ZFAT: variants seen among roughly 807,000 people sequenced by gnomAD.
ZFAT encodes zinc finger and AT-hook domain containing.
A neutral mutation model predicts 117.7 loss-of-function variants in ZFAT; 64 were observed. That is an observed-to-expected ratio of 0.54 (90% confidence interval 0.44 to 0.67). The LOEUF is 0.67. Ranked by LOEUF, ZFAT falls within the 30% of genes least tolerant of loss-of-function variation. ZFAT has a pLI of 0.00. For synonymous variants in ZFAT, 679 were observed against 615.0 expected (o/e 1.10, Z -1.54); for missense variants, 1,433 against 1,584.5 (o/e 0.90, Z 1.62).
chr8:134,701,095 T>C (rs56065230), intron 1 of ZFAT, among the ~76,000 whole-genome samples: 19,039 of 152,246 alleles, frequency 0.13, 1,295 homozygotes, highest in Non-Finnish European at 0.16. Context: ...CACATTGTTG[T>C]GCAACCATCT....
chr8:134,808,795 C>G, the ZFAT span, among the ~76,000 whole-genome samples: 10 of 152,122 alleles, frequency 6.6e-5, no homozygotes, highest in Non-Finnish European at 1.5e-4. Flanking sequence ...TACCATTATC[C>G]CTGCTAAACC....
At chr8:134,520,769 A>T in intron 13 of ZFAT, 114 bp downstream of exon 13, 1 of 824,128 alleles carries the variant, frequency 1.2e-6, no homozygotes, top group Non-Finnish European at 1.9e-6. Flanking sequence ...AAGTTCCCCA[A>T]ACAGAAAATC....
At chr8:134,799,307 C>CA in the ZFAT span, among the ~76,000 whole-genome samples, 63 of 152,208 alleles carry the variant, frequency 4.1e-4, 1 homozygote, top group Non-Finnish European at 7.8e-4. Flanking sequence ...AGACACTTGC[C>CA]AAGCTGCTAG....
intron 15 of ZFAT, among the ~76,000 whole-genome samples, chr8:134,504,003 G>T (rs1258451006): frequency 6.6e-6 from 1 of 152,038 alleles, no homozygotes; most frequent in East Asian, 1.9e-4. Context: ...CAAACACAAC[G>T]TATTTCTTAT....
intron 3 of ZFAT, among the ~76,000 whole-genome samples, chr8:134,626,500 C>G (rs1450791050): frequency 6.6e-6 from 1 of 152,238 alleles, no homozygotes; most frequent in East Asian, 1.9e-4. Flanking sequence ...GTGCCCCACA[C>G]AGCAGCAGAG....
chr8:134,606,380 CATTT>C (rs1191791347), intron 5 of ZFAT, among the ~76,000 whole-genome samples: 2 of 152,216 alleles, frequency 1.3e-5, no homozygotes, highest in Non-Finnish European at 2.9e-5. Context: ...GTTTGTGATT[CATTT>C]GAGTACAAAG....
intron 2 of ZFAT, among the ~76,000 whole-genome samples, chr8:134,652,632 A>G (rs1302070875): frequency 6.6e-6 from 1 of 152,260 alleles, no homozygotes; most frequent in Non-Finnish European, 1.5e-5. Flanking sequence ...ACTGATATGA[A>G]CAGTAATTCA....
At chr8:134,533,709 G>C (rs1421523342) in intron 11 of ZFAT, among the ~76,000 whole-genome samples, 1 of 152,198 alleles carries the variant, frequency 6.6e-6, no homozygotes, top group Non-Finnish European at 1.5e-5. Flanking sequence ...GACACTTTCG[G>C]GATGAGGCCA....
chr8:134,716,635 G>C (rs561570468), upstream of ZFAT, among the ~76,000 whole-genome samples: 1 of 152,312 alleles, frequency 6.6e-6, no homozygotes, highest in African/African-American at 2.4e-5. Flanking sequence ...CAAAAATGCT[G>C]GGTTAGTGCT....
intron 14 of ZFAT, among the ~76,000 whole-genome samples, chr8:134,511,609 A>G (rs147730083): frequency 5.9e-5 from 9 of 152,262 alleles, no homozygotes; most frequent in African/African-American, 1.9e-4. Flanking sequence ...TCACCGTTTC[A>G]TTTCACCTAA....
At chr8:134,480,434 C>T (rs550030219) in intron 15 of ZFAT, among the ~76,000 whole-genome samples, 3 of 152,368 alleles carry the variant, frequency 2.0e-5, no homozygotes, top group African/African-American at 7.2e-5. Context: ...CAGAGCCAAG[C>T]TGAATGCCTG....
At chr8:134,558,647 C>T (rs186568581) in intron 11 of ZFAT, among the ~76,000 whole-genome samples, 9 of 152,262 alleles carry the variant, frequency 5.9e-5, no homozygotes, top group African/African-American at 1.7e-4. Context: ...ATATAAACCA[C>T]GATCAGGCTG....
chr8:134,524,199 G>A (rs1426180832), intron 12 of ZFAT, among the ~76,000 whole-genome samples: 2 of 152,152 alleles, frequency 1.3e-5, no homozygotes, highest in African/African-American at 4.8e-5. Flanking sequence ...CCAAATAAGT[G>A]TGTTCAGTGT....
chr8:134,533,880 T>G (rs1317167154), intron 11 of ZFAT, among the ~76,000 whole-genome samples: 1 of 152,174 alleles, frequency 6.6e-6, no homozygotes, highest in East Asian at 1.9e-4. Context: ...ACTGTCAAAT[T>G]CCATGCCACA....
intron 2 of ZFAT, among the ~76,000 whole-genome samples, chr8:134,655,744 T>C (rs529632806): frequency 6.6e-6 from 1 of 152,366 alleles, no homozygotes; most frequent in South Asian, 2.1e-4. Context: ...CTAAAAGCTT[T>C]GCAAGAGCCA....
At chr8:134,776,393 G>A in the ZFAT span, among the ~76,000 whole-genome samples, 1 of 152,028 alleles carries the variant, frequency 6.6e-6, no homozygotes, top group Non-Finnish European at 1.5e-5. Flanking sequence ...TGCCTTGACC[G>A]CCCAGGCTCA....
chr8:134,796,887 T>A, the ZFAT span: 1 of 152,242 alleles, frequency 6.6e-6, no homozygotes, highest in Non-Finnish European at 1.5e-5. Flanking sequence ...AGTTCATTTA[T>A]CATCCATGTA....
intron 1 of ZFAT, among the ~76,000 whole-genome samples, chr8:134,686,232 TG>T (rs1261372543): frequency 6.6e-6 from 1 of 152,222 alleles, no homozygotes; most frequent in Non-Finnish European, 1.5e-5. Context: ...CACATTTCTA[TG>T]TGACAGAAAT....
At chr8:134,571,969 C>T (rs1375715658) in intron 10 of ZFAT, among the ~76,000 whole-genome samples, 1 of 152,100 alleles carries the variant, frequency 6.6e-6, no homozygotes, top group Non-Finnish European at 1.5e-5. Flanking sequence ...GGAAATGTGT[C>T]CTAAGGAGTT....
Sources: gnomAD v4.1 joint callset for allele counts (sites outside exome capture counted in the v4.1 genomes callset) on GRCh38, gnomAD v4.1.1 for gene constraint, MANE v1.5 for transcripts, NCBI Gene and HGNC (gene_info 2026-07-23, HGNC 2026-07-21) for gene names.